RPS6KA6: variants seen among roughly 807,000 people sequenced by gnomAD.
RPS6KA6 encodes ribosomal protein S6 kinase alpha-6.
A neutral mutation model predicts 65.4 loss-of-function variants in RPS6KA6; 27 were observed. The observed-to-expected ratio is 0.41, with a 90% CI of 0.30 to 0.57. The LOEUF is 0.57. Ranked by LOEUF, RPS6KA6 falls within the 20% of genes least tolerant of loss-of-function variation. The pLI, the probability that RPS6KA6 is intolerant of heterozygous loss-of-function variation, is 0.24. For missense variants in RPS6KA6, 486 were observed against 555.6 expected (o/e 0.87, Z 1.26); for synonymous variants, 190 against 184.2 (o/e 1.03, Z -0.26).
intron 20 of RPS6KA6, among the ~76,000 whole-genome samples, chrX:84,075,900 C>T (rs1005008829): frequency 1.8e-5 from 2 of 111,473 alleles, no homozygotes; most frequent in Admixed American, 9.5e-5. Context: ...AAAAACAAAG[C>T]GTCAAAATAC....
chrX:84,092,937 C>T (rs1365754465), intron 20 of RPS6KA6, among the ~76,000 whole-genome samples: 2 of 111,868 alleles, frequency 1.8e-5, no homozygotes, highest in Admixed American at 9.5e-5. Context: ...ACCTAAGTGT[C>T]TATCAACATA....
chrX:84,072,807 AAT>A (rs1202988119), intron 20 of RPS6KA6, among the ~76,000 whole-genome samples: 3 of 111,746 alleles, frequency 2.7e-5, no homozygotes, highest in Non-Finnish European at 3.8e-5. Context: ...GCTGCAAAAA[AAT>A]AGAGAGGAAT....
chrX:84,154,808 T>C lies in RPS6KA6; in HGVS notation c.258+1267A>G, dbSNP rs780789146. 2.7e-5 allele frequency among the ~76,000 whole-genome samples: 3 copies of C among 111,811 alleles called. No individual in the cohort carries two copies. In the Admixed American group the frequency reaches 2.9e-4, roughly 11 times the overall value. On this transcript the variant is annotated intron_variant, in intron 3 of 21. Coordinates refer to ENST00000262752, the MANE Select transcript of RPS6KA6 (RefSeq NM_014496.5). Reference sequence around the variant, plus strand: ...CATAATTCATCTCAGTTTGTCTTTTTTGTGTCCTGAAAATGTTTCTTTATA... The same window carrying C: ...CATAATTCATCTCAGTTTGTCTTTTCTGTGTCCTGAAAATGTTTCTTTATA...
At chrX:84,104,359 C>T in intron 17 of RPS6KA6, 140 bp downstream of exon 17, 1 of 324,854 alleles carries the variant, frequency 3.1e-6, no homozygotes, top group Non-Finnish European at 5.2e-6. Context: ...ATAAACTTCA[C>T]TACATTGTGA....
At chrX:84,173,088 A>G (rs1036945173) in intron 1 of RPS6KA6, among the ~76,000 whole-genome samples, 27 of 110,780 alleles carry the variant, frequency 2.4e-4, no homozygotes, top group African/African-American at 8.9e-4. Flanking sequence ...TATTCTTTAA[A>G]ATGGTTAAGA....
At chrX:84,151,065 G>A (rs1418679863) in intron 3 of RPS6KA6, among the ~76,000 whole-genome samples, 1 of 96,762 alleles carries the variant, frequency 1.0e-5, no homozygotes, top group Non-Finnish European at 2.0e-5. Flanking sequence ...GATATATAGA[G>A]GATAGATATA....
intron 6 of RPS6KA6, among the ~76,000 whole-genome samples, chrX:84,137,686 T>C (rs1037680083): frequency 1.8e-5 from 2 of 112,146 alleles, no homozygotes; most frequent in African/African-American, 6.5e-5. Flanking sequence ...TTTTTTAAAT[T>C]TAAGTTTTGA....
At chrX:84,099,030 A>G (rs961998266) in intron 18 of RPS6KA6, among the ~76,000 whole-genome samples, 1 of 110,916 alleles carries the variant, frequency 9.0e-6, no homozygotes, top group Non-Finnish European at 1.9e-5. Context: ...TACAGTTCCA[A>G]TCATCACCAT....
At chrX:84,123,146 T>C (rs745910782) in intron 8 of RPS6KA6, among the ~76,000 whole-genome samples, 3 of 111,406 alleles carry the variant, frequency 2.7e-5, no homozygotes, top group East Asian at 5.7e-4. Flanking sequence ...GCAGGATTCA[T>C]TGCCTGCTGA....
chrX:84,187,572 T>A (rs983266996), intron 1 of RPS6KA6: 2 of 305,944 alleles, frequency 6.5e-6, no homozygotes, highest in Admixed American at 1.2e-4. Context: ...AACTCTGGCG[T>A]GGCCCGCCAG....
intron 8 of RPS6KA6, among the ~76,000 whole-genome samples, chrX:84,132,222 A>G (rs1164632841): frequency 9.0e-6 from 1 of 110,922 alleles, no homozygotes; most frequent in East Asian, 2.8e-4. Flanking sequence ...CAGGAGTTCA[A>G]GACCAGCCTG....
chrX:84,148,460 G>C (rs1602460022), intron 3 of RPS6KA6, among the ~76,000 whole-genome samples: 1 of 110,420 alleles, frequency 9.1e-6, no homozygotes, highest in Non-Finnish European at 1.9e-5. Flanking sequence ...ACTTTTCTTA[G>C]ATTTAATTTA....
intron 1 of RPS6KA6, among the ~76,000 whole-genome samples, chrX:84,166,154 ACT>A (rs2035593965): frequency 8.9e-6 from 1 of 111,798 alleles, no homozygotes; most frequent in Non-Finnish European, 1.9e-5. Context: ...GCTGACCCAA[ACT>A]CTCTGAAAAC....
rs542097233 is a variant in RPS6KA6, at chrX:84,110,010, A to G, written c.1009-2285T>C. On this transcript the variant is annotated intron_variant, in intron 12 of 21. Transcript: ENST00000262752. ...TGCTAAAAAGTGGAGCCCCTCTGTG[A>G]TATCTACAGAAAGCAGAAGCATTAC... 1.3e-4 allele frequency among the ~76,000 whole-genome samples: 14 copies of G among 111,582 alleles called. No homozygotes were observed. In the South Asian group the frequency reaches 5.0e-3, roughly 40 times the overall value.
chrX:84,081,343 T>C (rs952270612), intron 20 of RPS6KA6, among the ~76,000 whole-genome samples: 1 of 111,916 alleles, frequency 8.9e-6, no homozygotes. Flanking sequence ...TAAACAACTC[T>C]ACACAAATAA....
Position 84,065,039 on chromosome X carries a change from A to G in RPS6KA6, c.2044T>C (p.Trp682Arg). Residue 682 changes from tryptophan (W) to arginine (R), a missense_variant, in exon 21 of 22, where the codon TGG (tryptophan) becomes CGG (arginine). By Grantham distance (101) the Trp-to-Arg change is moderately radical. Coordinates refer to ENST00000262752, the MANE Select transcript of RPS6KA6 (RefSeq NM_014496.5). ...GGCAACTGGTCTCTGTGAGTTATCC[A>G]TGAGTGCTTTAATATTTGTTCAGCA... ...YTAEQILKHS[W>R]ITHRDQLPND... is the part of the protein sequence containing the mutation. 8.3e-7 allele frequency: 1 copy of G among 1,201,785 alleles called. No homozygotes were observed. The highest frequency in any genetic ancestry group is 3.0e-5 in the East Asian group (1 of 33,752).
intron 3 of RPS6KA6, among the ~76,000 whole-genome samples, chrX:84,154,202 C>G (rs2035376345): frequency 9.0e-6 from 1 of 111,329 alleles, no homozygotes; most frequent in African/African-American, 3.3e-5. Flanking sequence ...AAAGGACTTA[C>G]AGACCCTTAT....
chrX:84,180,888 A>G (rs1159869788), intron 1 of RPS6KA6, among the ~76,000 whole-genome samples: 1 of 111,825 alleles, frequency 8.9e-6, no homozygotes, highest in Non-Finnish European at 1.9e-5. Flanking sequence ...TTCCAGACGT[A>G]TTTCCTACTA....
chrX:84,161,628 C>G (rs1265664002), intron 2 of RPS6KA6, among the ~76,000 whole-genome samples: 2 of 111,637 alleles, frequency 1.8e-5, no homozygotes, highest in East Asian at 5.6e-4. Context: ...TGTGGTTCCA[C>G]TGAGTCTAAG....
Sources: allele counts gnomAD v4.1 joint callset (sites outside exome capture counted in the v4.1 genomes callset), GRCh38; gene constraint gnomAD v4.1.1; transcripts MANE v1.5; gene names NCBI Gene and HGNC (gene_info 2026-07-23, HGNC 2026-07-21).